The following ADAM7 variants were observed in gnomAD, a reference collection of about 807,000 sequenced individuals.
The protein encoded by ADAM7 is disintegrin and metalloproteinase domain-containing protein 7.
In ADAM7, 97 loss-of-function variants were observed where a neutral mutation model predicts 102.9. The ratio of observed to expected loss-of-function variants is 0.94; its 90% CI spans 0.80 to 1.12. The LOEUF is 1.12. Ranked by LOEUF, ADAM7 falls within the 50% of genes most tolerant of loss-of-function variation. The pLI is 0.00. For missense variants in ADAM7, 991 were observed against 908.7 expected (o/e 1.09, Z -1.16); for synonymous variants, 334 against 304.4 (o/e 1.10, Z -1.01).
chr8:24,500,195 C>G lies in ADAM7; in HGVS notation c.1941C>G (p.Leu647=), dbSNP rs547482856. ...TCTTCCAGGTGGATGGCCACGGACT[C>G]CAGTGCCACTGTGAGGAAGGACAGG... ...CNENPVDGHG[L]QCHCEEGQAP... Residue 647 remains leucine, a synonymous_variant, in exon 18 of 22, where the codon CTC becomes CTG. Coordinates refer to ENST00000175238, the MANE Select transcript of ADAM7 (RefSeq NM_003817.4). 1 of 1,611,522 alleles carries G rather than the reference C, an allele frequency of 6.2e-7. No individual in the cohort carries two copies. Among genetic ancestry groups the G allele is most frequent in the South Asian group, 1.1e-5 (1 of 90,870 alleles).
At position 24,483,349 on chromosome 8, in the gene ADAM7, C is replaced by T. The variant is rs551396314; in HGVS notation, c.875+1038C>T. ...TGGAAGAAGTCCTTTGGAGCGATGC[C>T]ATCTTTTAGAATCTCTTCTGAAGCC... On this transcript the variant is annotated intron_variant, in intron 9 of 21. Transcript: ENST00000175238. Among the ~76,000 whole-genome samples the T allele has an allele frequency of 1.7e-4, 26 of 152,212 alleles. 2 individuals are homozygous for T. The South Asian group carries it at 3.7e-3, about 22-fold the overall frequency.
Position 24,494,872 on chromosome 8 carries a change from A to C in ADAM7, c.1842+1643A>C, listed in dbSNP as rs79950106. Among the ~76,000 whole-genome samples, 151 of 152,228 alleles carry C rather than the reference A, an allele frequency of 9.9e-4. 3 individuals are homozygous for C. In the East Asian group the frequency reaches 0.023, roughly 23 times the overall value. On this transcript the variant is annotated intron_variant, in intron 16 of 21. Transcript: ENST00000175238. ...AAAACATTTTGGTAATAATTGCCCC[A>C]CTCCAACCAAACAGCAGGGAAAAAT...
In ADAM7 at chr8:24,508,601, T is replaced by C; in HGVS notation, c.*55T>C. 1 of 1,613,144 alleles carries C rather than the reference T, an allele frequency of 6.2e-7. No homozygotes were observed. The highest frequency in any genetic ancestry group is 8.5e-7 in the Non-Finnish European group (1 of 1,179,482). On this transcript the variant is annotated 3_prime_UTR_variant, in exon 22 of 22. Transcript: ENST00000175238. ...GCAAGCTTAGGCTGGGGATTCTGGA[T>C]GCAACGTCTTTACAACCTTACCTAG...
intron 4 of ADAM7, 29 bp downstream of exon 4, chr8:24,463,989 T>C: frequency 1.9e-6 from 3 of 1,577,872 alleles, no homozygotes; most frequent in Non-Finnish European, 2.6e-6. Flanking sequence ...CTGTGTCTCT[T>C]CTCTAAAAGC....
chr8:24,454,380 G>A (rs1331325261), intron 3 of ADAM7, among the ~76,000 whole-genome samples: 21 of 152,128 alleles, frequency 1.4e-4, no homozygotes, highest in African/African-American at 2.4e-4. Flanking sequence ...CCCCAGCCTC[G>A]CTGCCGCCTT....
intron 16 of ADAM7, among the ~76,000 whole-genome samples, chr8:24,497,492 C>CA (rs548019220): frequency 1.4e-4 from 21 of 151,242 alleles, no homozygotes; most frequent in Admixed American, 2.0e-4. Flanking sequence ...TTGGATATTA[C>CA]AAAAAAAATC....
Position 24,474,307 on chromosome 8 carries a change from C to T in ADAM7, c.634-2126C>T, listed in dbSNP as rs569484366. Among the ~76,000 whole-genome samples, 138 of 152,194 alleles carry T rather than the reference C, an allele frequency of 9.1e-4. 3 individuals are homozygous for T. The highest frequency in any genetic ancestry group is 8.9e-3 in the Admixed American group (136 of 15,276). ...AAATTTTATAAAGAATGCTGAGACACTTTGCTCTTAATAATAATATATGTG... is the reference window on the plus strand; with the variant it reads ...AAATTTTATAAAGAATGCTGAGACATTTTGCTCTTAATAATAATATATGTG... On this transcript the variant is annotated intron_variant, in intron 7 of 21. Transcript: ENST00000175238.
chr8:24,448,507 A>G (rs898652311), intron 3 of ADAM7, among the ~76,000 whole-genome samples: 3 of 152,166 alleles, frequency 2.0e-5, no homozygotes, highest in Admixed American at 6.6e-5. Flanking sequence ...TGCATACCAC[A>G]GAGCCTCTAA....
chr8:24,490,559 C>T (rs1820307268), intron 12 of ADAM7: 1 of 453,110 alleles, frequency 2.2e-6, no homozygotes, highest in East Asian at 3.7e-5. Flanking sequence ...ATGTTGGACT[C>T]TCTAATTCTG....
Position 24,493,030 on chromosome 8 carries a change from G to A in ADAM7, c.1656-13G>A, listed in dbSNP as rs774776394. ...TTCTAGTTCCAAGTTTGAATATTCT[G>A]CCTTTCCTTCAGAGATGTCAGATGT... On this transcript the variant is annotated splice_polypyrimidine_tract_variant and intron_variant, in intron 15 of 21. Coordinates refer to ENST00000175238, the MANE Select transcript of ADAM7 (RefSeq NM_003817.4). 2 of 1,555,412 alleles carry A rather than the reference G, an allele frequency of 1.3e-6. No individual in the cohort carries two copies. Among genetic ancestry groups the A allele is most frequent in the Non-Finnish European group, 1.7e-6 (2 of 1,157,346 alleles).
intron 3 of ADAM7, among the ~76,000 whole-genome samples, chr8:24,462,764 A>C (rs1221602677): frequency 6.6e-6 from 1 of 152,228 alleles, no homozygotes; most frequent in Admixed American, 6.5e-5. Flanking sequence ...GACCACTCCT[A>C]ATATTCCAAA....
At chr8:24,441,235 C>G in intron 1 of ADAM7, 75 bp downstream of exon 1, 1 of 1,405,240 alleles carries the variant, frequency 7.1e-7, no homozygotes, top group Non-Finnish European at 1.0e-6. Context: ...AAACTTTAAA[C>G]TGTAAGTGAT....
At position 24,463,979 on chromosome 8, in the gene ADAM7, C is replaced by CTT. The variant is rs756518198; in HGVS notation, c.312+20_312+21insTT. The CTT allele has an allele frequency of 6.3e-7, 1 of 1,592,476 alleles. No homozygotes were observed. Among genetic ancestry groups the CTT allele is most frequent in the Non-Finnish European group, 8.6e-7 (1 of 1,160,974 alleles). On this transcript the variant is annotated intron_variant, in intron 4 of 21. Coordinates refer to ENST00000175238, the MANE Select transcript of ADAM7 (RefSeq NM_003817.4). Reference sequence around the variant, plus strand: ...GATCATGGTATCTTATGGAACTTTACTGTGTCTCTTCTCTAAAAGCAGTAT... The same window carrying CTT: ...GATCATGGTATCTTATGGAACTTTACTTTGTGTCTCTTCTCTAAAAGCAGTAT...
At position 24,471,799 on chromosome 8, in the gene ADAM7, G is replaced by T. The variant is rs576314674; in HGVS notation, c.633+2979G>T. On this transcript the variant is annotated intron_variant, in intron 7 of 21. Coordinates refer to ENST00000175238, the MANE Select transcript of ADAM7 (RefSeq NM_003817.4). ...TAAATACAAAAACAGAAAAAAATAT[G>T]TGAAGGTAATTCCAAATGTGTCAGA... Among the ~76,000 whole-genome samples the T allele has an allele frequency of 5.3e-5, 8 of 152,012 alleles. 1 individual carries two copies. In the South Asian group the frequency reaches 1.7e-3, roughly 32 times the overall value.
chr8:24,487,139 C>A, intron 10 of ADAM7, 48 bp from the exon 11 acceptor site: 1 of 1,587,874 alleles, frequency 6.3e-7, no homozygotes, highest in South Asian at 1.1e-5. Flanking sequence ...CTATGTACTA[C>A]AGTATGCTAA....
chr8:24,482,128 T>C lies in ADAM7; in HGVS notation c.706-14T>C. The C allele has an allele frequency of 6.4e-7, 1 of 1,552,554 alleles. No homozygotes were observed. Among genetic ancestry groups the C allele is most frequent in the Non-Finnish European group, 8.7e-7 (1 of 1,154,728 alleles). Reference sequence around the variant, plus strand: ...CAACTTGACTTTGTGAAAAATGATTTCTTCTTTGAACAGATTTATAAAACC... The same window carrying C: ...CAACTTGACTTTGTGAAAAATGATTCCTTCTTTGAACAGATTTATAAAACC... On this transcript the variant is annotated splice_polypyrimidine_tract_variant and intron_variant, in intron 8 of 21. Transcript: ENST00000175238.
chr8:24,453,439 A>G (rs1454393768), intron 3 of ADAM7, among the ~76,000 whole-genome samples: 4 of 152,098 alleles, frequency 2.6e-5, no homozygotes, highest in East Asian at 1.9e-4. Flanking sequence ...CCAATTGATC[A>G]CATCGGCTCC....
intron 3 of ADAM7, among the ~76,000 whole-genome samples, chr8:24,455,146 G>A (rs1158014952): frequency 6.6e-6 from 1 of 151,518 alleles, no homozygotes; most frequent in Non-Finnish European, 1.5e-5. Context: ...AGTTTACTAT[G>A]ATAAAATTTT....
At position 24,482,244 on chromosome 8, in the gene ADAM7, C is replaced by T. The variant is rs777987045; in HGVS notation, c.808C>T (p.Arg270Cys). ...TTCAAATATAGAAACTACCTTATTG[C>T]GTTTTTCATTTTGGCAAGAAAAGAT... Reference protein sequence around the residue: ...LYSNIETTLLRFSFWQEKILK... With the variant: ...LYSNIETTLLCFSFWQEKILK... The change falls in exon 9 of 22, where the codon CGT (arginine) becomes TGT (cysteine). Residue 270 changes from arginine to cysteine, a missense_variant. Transcript: ENST00000175238. 47 of 1,610,792 alleles carry T rather than the reference C, an allele frequency of 2.9e-5. No individual in the cohort carries two copies. The highest frequency in any genetic ancestry group is 1.7e-4 in the Middle Eastern group (1 of 6,054).
Sources: allele counts gnomAD v4.1 joint callset (sites outside exome capture counted in the v4.1 genomes callset), GRCh38; gene constraint gnomAD v4.1.1; transcripts MANE v1.5; gene names NCBI Gene and HGNC (gene_info 2026-07-23, HGNC 2026-07-21).